Variants in KLF12 observed in about 807,000 individuals in gnomAD.
KLF12 encodes Krueppel-like factor 12.
Under a neutral mutation model 37.8 loss-of-function variants are expected in KLF12, and 9 were observed. That is an observed-to-expected ratio of 0.24 (90% confidence interval 0.14 to 0.42). The LOEUF (loss-of-function observed/expected upper bound fraction) is 0.42, where lower values mean the gene tolerates loss of function less well. Among genes scored for constraint, KLF12 ranks in the 10% least tolerant of loss-of-function variants. KLF12 has a pLI of 1.00. For missense variants in KLF12, 411 were observed against 516.0 expected (o/e 0.80, Z 1.97); for synonymous variants, 208 against 202.1 (o/e 1.03, Z -0.25).
the KLF12 span, among the ~76,000 whole-genome samples, chr13:74,245,293 TTATCTATCTATCTATCTATCTATC>T: frequency 2.7e-5 from 4 of 148,976 alleles, no homozygotes; most frequent in African/African-American, 7.4e-5. Flanking sequence ...GGAGATAAGT[TTATCTATCTATCTATCTATCTATC>T]TATCTATCTA....
In KLF12 at chr13:73,868,273, C is replaced by T. The variant is rs1350859308; in HGVS notation, c.124-21900G>A. ...GTTGCGGTGAGCCGAGATGGTACTC[C>T]AGCCTGGGCAACAAGAGCAAAACTC... On this transcript the variant is annotated intron_variant, in intron 3 of 7. Coordinates refer to ENST00000377669, the MANE Select transcript of KLF12 (RefSeq NM_007249.5). 3.3e-5 allele frequency among the ~76,000 whole-genome samples: 4 copies of T among 122,896 alleles called. No individual in the cohort carries two copies. In the East Asian group the frequency reaches 9.2e-4, roughly 28 times the overall value. The allele number at this position is 122,896 out of a possible 152,430, so 80.6% of individuals were successfully genotyped here.
intron 3 of KLF12, among the ~76,000 whole-genome samples, chr13:73,929,808 T>C (rs533510175): frequency 6.6e-6 from 1 of 152,326 alleles, no homozygotes; most frequent in Admixed American, 6.5e-5. Context: ...AGCCTTACAT[T>C]GCTCCCTTCT....
chr13:74,124,971 C>T (rs999484302), intron 1 of KLF12, among the ~76,000 whole-genome samples: 2 of 151,830 alleles, frequency 1.3e-5, no homozygotes, highest in Non-Finnish European at 2.9e-5. Flanking sequence ...CATGGTGAAA[C>T]CCGTCTCTAC....
the KLF12 span, among the ~76,000 whole-genome samples, chr13:74,177,759 C>CA: frequency 1.3e-5 from 2 of 152,128 alleles, no homozygotes; most frequent in Non-Finnish European, 2.9e-5. Flanking sequence ...GACAGACTTG[C>CA]AGGAGGGAAG....
chr13:73,804,354 T>G (rs774248083), intron 5 of KLF12, among the ~76,000 whole-genome samples: 1 of 152,220 alleles, frequency 6.6e-6, no homozygotes, highest in Non-Finnish European at 1.5e-5. Flanking sequence ...TAATCACTCT[T>G]TGAAAGAATA....
chr13:73,966,536 G>A (rs1891175841), intron 2 of KLF12, among the ~76,000 whole-genome samples: 1 of 152,176 alleles, frequency 6.6e-6, no homozygotes, highest in South Asian at 2.1e-4. Context: ...TAAGAAAAGG[G>A]TAGCCAAGTC....
chr13:74,206,102 T>C, the KLF12 span, among the ~76,000 whole-genome samples: 1 of 152,180 alleles, frequency 6.6e-6, no homozygotes, highest in Non-Finnish European at 1.5e-5. Context: ...ACTTCAAGTT[T>C]ACACCATGGT....
chr13:73,769,150 C>T (rs991251234), intron 5 of KLF12, among the ~76,000 whole-genome samples: 6 of 152,132 alleles, frequency 3.9e-5, no homozygotes, highest in Non-Finnish European at 8.8e-5. Flanking sequence ...GTTATATTAG[C>T]ATTGCTATTT....
chr13:74,027,639 T>C (rs976375466), intron 1 of KLF12, among the ~76,000 whole-genome samples: 1 of 152,312 alleles, frequency 6.6e-6, no homozygotes, highest in Middle Eastern at 3.4e-3. Context: ...TAATTCTACA[T>C]GTAGTGACTT....
chr13:74,276,637 T>C, the KLF12 span, among the ~76,000 whole-genome samples: 3 of 152,196 alleles, frequency 2.0e-5, no homozygotes, highest in Non-Finnish European at 4.4e-5. Context: ...AAAAAGTAAG[T>C]TGTCTTCCTA....
the KLF12 span, among the ~76,000 whole-genome samples, chr13:74,192,774 G>A: frequency 6.6e-6 from 1 of 152,032 alleles, no homozygotes; most frequent in Non-Finnish European, 1.5e-5. Flanking sequence ...TAAAATCTGT[G>A]GACTTCTCCA....
rs116877155 is a variant in KLF12, at chr13:74,036,556, T to C, written c.-31-41503A>G. 9.9e-3 allele frequency among the ~76,000 whole-genome samples: 1,512 copies of C among 152,224 alleles called. 25 individuals carry two copies. Among genetic ancestry groups the C allele is most frequent in the East Asian group, 0.057 (293 of 5,150 alleles). On this transcript the variant is annotated intron_variant, in intron 1 of 7. Coordinates refer to ENST00000377669, the MANE Select transcript of KLF12 (RefSeq NM_007249.5). Reference sequence around the variant, plus strand: ...AAGGTTTTTCAACCTGAGGATGTGGTAAGATTTTTCTATCCAGATGACAGA... The same window carrying C: ...AAGGTTTTTCAACCTGAGGATGTGGCAAGATTTTTCTATCCAGATGACAGA...
At chr13:74,183,716 G>A in the KLF12 span, among the ~76,000 whole-genome samples, 1 of 152,116 alleles carries the variant, frequency 6.6e-6, no homozygotes, top group Non-Finnish European at 1.5e-5. Flanking sequence ...TGGGTGAATC[G>A]CTTGAGTCCA....
intron 6 of KLF12, among the ~76,000 whole-genome samples, chr13:73,728,048 A>T (rs1301240724): frequency 6.6e-6 from 1 of 152,206 alleles, no homozygotes; most frequent in Non-Finnish European, 1.5e-5. Context: ...TGAAAACCAA[A>T]TTGTAGACTG....
At chr13:74,270,119 C>T in the KLF12 span, among the ~76,000 whole-genome samples, 6 of 152,128 alleles carry the variant, frequency 3.9e-5, no homozygotes, top group African/African-American at 1.4e-4. Flanking sequence ...GTCCTGCTTA[C>T]TAGGGGGAGC....
intron 1 of KLF12, among the ~76,000 whole-genome samples, chr13:74,069,340 T>C (rs2138692408): frequency 6.6e-6 from 1 of 152,286 alleles, no homozygotes; most frequent in East Asian, 1.9e-4. Context: ...GAATGGACAC[T>C]GGAAAAGATT....
At chr13:74,130,439 G>T (rs1437024767) in intron 1 of KLF12, among the ~76,000 whole-genome samples, 1 of 152,142 alleles carries the variant, frequency 6.6e-6, no homozygotes, top group African/African-American at 2.4e-5. Context: ...CAGGAGGTTT[G>T]CTTGAGGCCA....
intron 2 of KLF12, among the ~76,000 whole-genome samples, chr13:73,994,238 G>T (rs1213712799): frequency 6.6e-6 from 1 of 152,154 alleles, no homozygotes; most frequent in Non-Finnish European, 1.5e-5. Context: ...AGGAAAATAT[G>T]AAATTGTATT....
At chr13:73,888,542 C>A (rs1264911010) in intron 3 of KLF12, among the ~76,000 whole-genome samples, 2 of 152,088 alleles carry the variant, frequency 1.3e-5, no homozygotes, top group African/African-American at 4.8e-5. Flanking sequence ...AATATATTTT[C>A]TTCATCTTTC....
Sources: gnomAD v4.1 joint callset for allele counts (sites outside exome capture counted in the v4.1 genomes callset) on GRCh38, gnomAD v4.1.1 for gene constraint, MANE v1.5 for transcripts, NCBI Gene and HGNC (gene_info 2026-07-23, HGNC 2026-07-21) for gene names.